Variants in SYT14 observed in about 807,000 individuals in gnomAD.
SYT14 encodes synaptotagmin-14.
SYT14 carries 32 observed loss-of-function variants against 74.2 expected under a neutral mutation model. The observed-to-expected ratio is 0.43, with a 90% confidence interval of 0.33 to 0.58. The LOEUF is 0.58. Ranked by LOEUF, SYT14 falls within the 20% of genes least tolerant of loss-of-function variation. The pLI is 0.05. For missense variants in SYT14, 791 were observed against 981.8 expected (o/e 0.81, Z 2.60); for synonymous variants, 298 against 337.7 (o/e 0.88, Z 1.29).
Position 209,976,376 on chromosome 1 carries a change from T to A in SYT14, c.-486+23620T>A, listed in dbSNP as rs575263270. ...ATTTCCCTCTCCACACTGCTTTGAA[T>A]GTGTCCCAGAGATTCTGGTATGTTG... On this transcript the variant is annotated intron_variant, in intron 2 of 9. Transcript: ENST00000637265. Among the ~76,000 whole-genome samples, 277 of 149,856 alleles carry A rather than the reference T, an allele frequency of 1.8e-3. 7 individuals carry two copies. The highest frequency in any genetic ancestry group is 6.1e-4 in the Non-Finnish European group (41 of 67,592).
At chr1:210,166,785 A>G (rs2083460293) in exon 10 of SYT14, 1 of 152,196 alleles carries the variant, frequency 6.6e-6, no homozygotes, top group Non-Finnish European at 1.5e-5. Flanking sequence ...ATCTATTGAT[A>G]TAGAATATTA....
intron 2 of SYT14, among the ~76,000 whole-genome samples, chr1:209,956,924 C>G (rs1466085879): frequency 4.6e-5 from 7 of 151,898 alleles, no homozygotes; most frequent in African/African-American, 1.7e-4. Context: ...TCTTTTTTGT[C>G]TCTTAGGACC....
At chr1:210,047,823 A>G (rs1472106141) in intron 5 of SYT14, among the ~76,000 whole-genome samples, 2 of 152,250 alleles carry the variant, frequency 1.3e-5, no homozygotes, top group Non-Finnish European at 2.9e-5. Context: ...TGGGAATCCA[A>G]GTTATATGTT....
At chr1:209,980,249 T>G (rs1349816228) in intron 2 of SYT14, among the ~76,000 whole-genome samples, 1 of 152,202 alleles carries the variant, frequency 6.6e-6, no homozygotes, top group Non-Finnish European at 1.5e-5. Context: ...TGGCTGCATG[T>G]GTATCTTCTT....
At chr1:210,052,468 G>A (rs1385039762) in intron 5 of SYT14, among the ~76,000 whole-genome samples, 4 of 151,956 alleles carry the variant, frequency 2.6e-5, no homozygotes, top group African/African-American at 9.7e-5. Flanking sequence ...TTTGAGACAA[G>A]CCTGGCCAGC....
chr1:209,972,586 C>A (rs2079275562), intron 2 of SYT14, among the ~76,000 whole-genome samples: 1 of 151,860 alleles, frequency 6.6e-6, no homozygotes, highest in African/African-American at 2.4e-5. Flanking sequence ...TAAATTTCTG[C>A]CTTAGTTTTA....
chr1:210,089,972 T>A (rs554101323), intron 5 of SYT14, among the ~76,000 whole-genome samples: 1 of 152,350 alleles, frequency 6.6e-6, no homozygotes, highest in African/African-American at 2.4e-5. Context: ...GGCTACATCC[T>A]ATGTAATGAA....
chr1:210,147,039 C>T (rs1305649613), intron 7 of SYT14, among the ~76,000 whole-genome samples: 1 of 151,840 alleles, frequency 6.6e-6, no homozygotes, highest in East Asian at 1.9e-4. Flanking sequence ...AAGAATTGGT[C>T]CACCATGAAT....
At chr1:210,063,179 T>G (rs1414229348) in intron 5 of SYT14, among the ~76,000 whole-genome samples, 1 of 151,718 alleles carries the variant, frequency 6.6e-6, no homozygotes, top group Non-Finnish European at 1.5e-5. Context: ...CATGTTTTCT[T>G]CTAGTATTTT....
At chr1:210,064,534 T>C (rs887946874) in intron 5 of SYT14, among the ~76,000 whole-genome samples, 17 of 152,098 alleles carry the variant, frequency 1.1e-4, no homozygotes, top group Middle Eastern at 3.2e-3. Context: ...TTTGTCCTTC[T>C]GTGTTTGGTT....
chr1:209,968,797 G>T (rs1160793336), intron 2 of SYT14, among the ~76,000 whole-genome samples: 1 of 151,458 alleles, frequency 6.6e-6, no homozygotes, highest in African/African-American at 2.4e-5. Context: ...TGTTAAATGG[G>T]TATTTTGTGT....
chr1:210,159,311 C>T (rs2083328609), intron 8 of SYT14, 110 bp from the exon 8 acceptor site: 3 of 1,037,692 alleles, frequency 2.9e-6, no homozygotes, highest in South Asian at 2.7e-5. Context: ...TGTGTTCTTC[C>T]ACTCCAGTGA....
At chr1:209,986,650 T>C (rs1185645166) in intron 2 of SYT14, among the ~76,000 whole-genome samples, 5 of 151,830 alleles carry the variant, frequency 3.3e-5, no homozygotes, top group African/African-American at 1.2e-4. Context: ...ATACCTTAAA[T>C]CATCTTTCTT....
chr1:210,095,942 A>G (rs1320571279), intron 6 of SYT14, among the ~76,000 whole-genome samples: 2 of 152,150 alleles, frequency 1.3e-5, no homozygotes, highest in Non-Finnish European at 2.9e-5. Flanking sequence ...AGCTTTGTAA[A>G]CTACATATAT....
chr1:209,960,873 T>C (rs747845407), intron 2 of SYT14, among the ~76,000 whole-genome samples: 3 of 152,120 alleles, frequency 2.0e-5, no homozygotes, highest in Non-Finnish European at 4.4e-5. Context: ...AATACACTTA[T>C]AAGAGAGTAC....
chr1:210,059,451 T>TATAGAGAGAGAGAG (rs377050610), intron 5 of SYT14, among the ~76,000 whole-genome samples: 98 of 69,890 alleles, frequency 1.4e-3, no homozygotes, highest in African/African-American at 3.8e-3. Flanking sequence ...TATATATATA[T>TATAGAGAGAGAGAG]AGAGAGAGAG....
At chr1:209,938,301 A>G in intron 1 of SYT14, 24 bp downstream of exon 1, 1 of 1,551,506 alleles carries the variant, frequency 6.4e-7, no homozygotes, top group Admixed American at 1.8e-5. Flanking sequence ...GACAGCGGGG[A>G]GCGAGGACCG....
rs546957059 is a variant in SYT14, at chr1:209,938,314, A to T, written c.-534+37A>T. The T allele has an allele frequency of 4.0e-5, 62 of 1,541,182 alleles. 1 individual carries two copies. The South Asian group carries it at 7.2e-4, about 18-fold the overall frequency. ...CTGACAGCGGGGAGCGAGGACCGGG[A>T]CCACCCAGCTGGCGGGGGGCTCGGA... On this transcript the variant is annotated intron_variant, in intron 1 of 9. Transcript: ENST00000637265.
chr1:210,070,131 C>T (rs571632097), intron 5 of SYT14, among the ~76,000 whole-genome samples: 1 of 152,114 alleles, frequency 6.6e-6, no homozygotes, highest in East Asian at 1.9e-4. Flanking sequence ...ATGTTTTAAC[C>T]TTTGCATACA....
Sources: gnomAD v4.1 joint callset for allele counts (sites outside exome capture counted in the v4.1 genomes callset) on GRCh38, gnomAD v4.1.1 for gene constraint, MANE v1.5 for transcripts, NCBI Gene and HGNC (gene_info 2026-07-23, HGNC 2026-07-21) for gene names.